UNC13D: variants seen among roughly 807,000 people sequenced by gnomAD.
UNC13D encodes unc-13 homolog D.
Under a neutral mutation model 151.7 loss-of-function variants are expected in UNC13D, and 115 were observed. The observed-to-expected ratio is 0.76, with a 90% CI of 0.65 to 0.88. UNC13D has a LOEUF of 0.88. Among genes scored for constraint, UNC13D ranks in the 40% least tolerant of loss-of-function variants. UNC13D has a pLI of 0.00. For synonymous variants in UNC13D, 588 were observed against 612.2 expected, an observed-to-expected ratio of 0.96 and a Z score of 0.58; for missense variants, 1,369 against 1,438.7, an observed-to-expected ratio of 0.95 and a Z score of 0.78.
rs1307402451 is a variant in UNC13D, at chr17:75,828,012, G to T, written c.3226C>A (p.His1076Asn). 6.3e-7 allele frequency: 1 copy of T among 1,594,136 alleles called. No individual in the cohort carries two copies. The highest frequency in any genetic ancestry group is 1.1e-5 in the South Asian group (1 of 88,364). Reference sequence around the variant, plus strand: ...TGCTGGGAGGCCTGCTTGGCCCGGTGCCGCCGCAGCCTCACAAAGACCTGG... The same window carrying T: ...TGCTGGGAGGCCTGCTTGGCCCGGTTCCGCCGCAGCCTCACAAAGACCTGG... ...EAQVFVRLRR[H>N]RAKQASQHAL... Residue 1076 changes from histidine to asparagine, a missense_variant, in exon 32 of 32, where the codon CAC becomes AAC. Around this residue, in one of 3 missense-constraint regions of UNC13D, gnomAD observed 807 missense variants for 795.5 expected, o/e 1.01. Coordinates refer to ENST00000207549, the MANE Select transcript of UNC13D (RefSeq NM_199242.3).
rs1297987975 is a variant in UNC13D at position 75,833,485 on chromosome 17, C to T, written c.2368-440G>A. Among the ~76,000 whole-genome samples, 1 of 152,218 alleles carries T rather than the reference C, an allele frequency of 6.6e-6. No homozygotes were observed. Among genetic ancestry groups the T allele is most frequent in the African/African-American group, 2.4e-5 (1 of 41,458 alleles). On this transcript the variant is annotated intron_variant, in intron 24 of 31. Transcript: ENST00000207549. The surrounding 1 kb of genome is among the most constrained non-coding windows in gnomAD (Gnocchi z 4.0). ...TGTAGACTTATCATTATCTAGCACACTGCATGTGTGTGCACGCGCATACAC... is the reference window on the plus strand; with the variant it reads ...TGTAGACTTATCATTATCTAGCACATTGCATGTGTGTGCACGCGCATACAC...
chr17:75,830,259 A>G (rs2064861317), intron 29 of UNC13D, 103 bp downstream of exon 29: 3 of 1,555,130 alleles, frequency 1.9e-6, no homozygotes, highest in Non-Finnish European at 2.6e-6. Context: ...ACTGGAGGAA[A>G]TGCACCCAGA....
In UNC13D at chr17:75,827,624, A is replaced by T; in HGVS notation, c.*341T>A. Reference sequence around the variant, plus strand: ...CTGGAACAGGAAGGCCAGGAGGCAGATGGGCCAGGGCCAGGAGACAGATGG... The same window carrying T: ...CTGGAACAGGAAGGCCAGGAGGCAGTTGGGCCAGGGCCAGGAGACAGATGG... On this transcript the variant is annotated 3_prime_UTR_variant, in exon 32 of 32. Transcript: ENST00000207549. 2 of 1,535,390 alleles carry T rather than the reference A, an allele frequency of 1.3e-6. No homozygotes were observed. Among genetic ancestry groups the T allele is most frequent in the Admixed American group, 3.9e-5 (2 of 50,986 alleles).
chr17:75,828,713 C>T, intron 31 of UNC13D, 74 bp downstream of exon 31: 1 of 1,405,404 alleles, frequency 7.1e-7, no homozygotes, highest in Non-Finnish European at 9.3e-7. Context: ...ACCCTGGCAT[C>T]ACCTCTCTGG....
chr17:75,838,382 C>T (rs1431182112), intron 12 of UNC13D, among the ~76,000 whole-genome samples: 4 of 152,046 alleles, frequency 2.6e-5, no homozygotes, highest in Non-Finnish European at 5.9e-5. Flanking sequence ...CCACACCTGA[C>T]TAATTTTTCT....
chr17:75,837,006 C>CCCTCCTCCAGGGCCCATGGTGGAGAA, intron 12 of UNC13D, 88 bp from the exon 13 acceptor site: 1 of 1,211,602 alleles, frequency 8.3e-7, no homozygotes, highest in Non-Finnish European at 1.2e-6. Flanking sequence ...GGAATCGCCT[C>CCCTCCTCCAGGGCCCATGGTGGAGAA]CCATCCACCA....
At chr17:75,842,824 A>G (rs373649203) in intron 5 of UNC13D, 33 bp downstream of exon 5, 3 of 1,612,486 alleles carry the variant, frequency 1.9e-6, no homozygotes, top group East Asian at 2.2e-5. Context: ...GGAGCCAGGA[A>G]GAAGCCCCTT....
chr17:75,830,309 C>T (rs1455941467), intron 29 of UNC13D, 53 bp downstream of exon 29: 2 of 1,580,738 alleles, frequency 1.3e-6, no homozygotes, highest in Non-Finnish European at 1.7e-6. Context: ...GTCGCTGAGA[C>T]AGGAGGGCCA....
Position 75,830,464 on chromosome 17 carries a change from C to A in UNC13D, c.2728G>T (p.Glu910Ter). 6.3e-7 allele frequency: 1 copy of A among 1,590,294 alleles called. No homozygotes were observed. The highest frequency in any genetic ancestry group is 8.6e-7 in the Non-Finnish European group (1 of 1,168,974). ...GCCTTGACTGTCACAGCCCCCAGCT[C>A]CTCAGAGGTGGTTTCTGCCTGGGGT... The part of the protein sequence containing the change: ...IQQQAETTSE[E>*]LGAVTVKASY... The change falls in exon 29 of 32, where the codon GAG becomes TAG. Residue 910 changes from glutamate (E) to a stop codon, truncating the protein, a stop_gained. Transcript: ENST00000207549. LOFTEE classifies it high-confidence loss of function.
At chr17:75,831,553 T>C in intron 25 of UNC13D, 1 of 599,944 alleles carries the variant, frequency 1.7e-6, no homozygotes, top group South Asian at 2.0e-5. Context: ...GTGGGATCAG[T>C]CCTATCCAAC....
chr17:75,835,610 T>TGCCCCTGC (rs1430190234), intron 19 of UNC13D, 37 bp downstream of exon 19: 1 of 1,612,658 alleles, frequency 6.2e-7, no homozygotes, highest in Non-Finnish European at 8.5e-7. Context: ...CCCTCCCCTG[T>TGCCCCTGC]GCCCCTGCAG....
At chr17:75,841,095 A>G (rs2064945552) in intron 6 of UNC13D, 94 bp from the exon 7 acceptor site, 7 of 1,237,298 alleles carry the variant, frequency 5.7e-6, no homozygotes, top group East Asian at 2.5e-5. Flanking sequence ...ATGGAGTTGT[A>G]GCCTATCCCT....
In UNC13D at chr17:75,842,803, T is replaced by C. The variant is rs7214984; in HGVS notation, c.388+54A>G. On this transcript the variant is annotated intron_variant, in intron 5 of 31. Transcript: ENST00000207549. ...CCAAGAGTCCTGGGCCAGGCTGTGA[T>C]GGGAGAGGAAGGAGCCAGGAAGAAG... 2.7e-3 allele frequency: 4,340 copies of C among 1,609,334 alleles called. 111 individuals are homozygous for C. In the African/African-American group the frequency reaches 0.053, roughly 20 times the overall value.
At chr17:75,843,392 C>T (rs9904778) in intron 2 of UNC13D, 92 bp downstream of exon 2, 28,171 of 1,567,714 alleles carry the variant, frequency 0.018, 444 homozygotes, top group Middle Eastern at 0.11. Flanking sequence ...CCCCTCCCCA[C>T]CGCAAGTTGC....
At chr17:75,841,784 C>T (rs1176476279) in intron 6 of UNC13D, among the ~76,000 whole-genome samples, 1 of 142,680 alleles carries the variant, frequency 7.0e-6, no homozygotes, top group African/African-American at 2.7e-5. Flanking sequence ...GAGTGTCGCT[C>T]TGTCACCAGG....
rs1567815374 is a variant in UNC13D at position 75,827,674 on chromosome 17, G to A, written c.*291C>T. On this transcript the variant is annotated 3_prime_UTR_variant, in exon 32 of 32. Coordinates refer to ENST00000207549, the MANE Select transcript of UNC13D (RefSeq NM_199242.3). Reference sequence around the variant, plus strand: ...GCCCAATCCCCTGCCCACCACAGCAGCTTTTCTGAGAGGCGGGCAGGGGCA... The same window carrying A: ...GCCCAATCCCCTGCCCACCACAGCAACTTTTCTGAGAGGCGGGCAGGGGCA... The A allele has an allele frequency of 6.5e-7, 1 of 1,529,232 alleles. No individual in the cohort carries two copies. The highest frequency in any genetic ancestry group is 8.7e-7 in the Non-Finnish European group (1 of 1,143,280). 94.7% of individuals were successfully genotyped at this position (1,529,232 alleles called of 1,614,324 possible).
At position 75,827,311 on chromosome 17, in the gene UNC13D, C is replaced by T. The variant is rs2062130411; in HGVS notation, c.*654G>A. 4.1e-6 allele frequency: 3 copies of T among 733,216 alleles called. No homozygotes were observed. The highest frequency in any genetic ancestry group is 1.8e-5 in the African/African-American group (1 of 55,734). 45.4% of individuals were successfully genotyped at this position (733,216 alleles called of 1,614,324 possible). ...AGGTGCTGTCCGGGGAGGGGGCGTG[C>T]GCAGCAGACACAGCAGCCAAACTGT... On this transcript the variant is annotated 3_prime_UTR_variant, in exon 32 of 32. Coordinates refer to ENST00000207549, the MANE Select transcript of UNC13D (RefSeq NM_199242.3).
At chr17:75,842,750 C>T (rs886726410) in intron 5 of UNC13D, 107 bp downstream of exon 5, 143 of 1,591,876 alleles carry the variant, frequency 9.0e-5, no homozygotes, top group Non-Finnish European at 1.1e-4. Flanking sequence ...GCCAGCGCTA[C>T]AGGGCTTCTT....
At position 75,840,376 on chromosome 17, in the gene UNC13D, G is replaced by A. The variant is rs1229418920; in HGVS notation, c.754-47C>T. ...CCCGTGAGCGTCAGAACCTCATAGAGTCGGGGCAGCGGAGGCGACAGGAGG... is the reference window on the plus strand; with the variant it reads ...CCCGTGAGCGTCAGAACCTCATAGAATCGGGGCAGCGGAGGCGACAGGAGG... On this transcript the variant is annotated intron_variant, in intron 9 of 31. Coordinates refer to ENST00000207549, the MANE Select transcript of UNC13D (RefSeq NM_199242.3). The surrounding 1 kb of genome is among the most constrained non-coding windows in gnomAD (Gnocchi z 4.6). 6.2e-7 allele frequency: 1 copy of A among 1,609,540 alleles called. No individual in the cohort carries two copies. Among genetic ancestry groups the A allele is most frequent in the African/African-American group, 1.3e-5 (1 of 74,802 alleles).
Sources: gnomAD v4.1 joint callset for allele counts (sites outside exome capture counted in the v4.1 genomes callset) on GRCh38, gnomAD v4.1.1 for gene constraint, gnomAD v4.1.1 regional missense constraint, Gnocchi (gnomAD v3.1) non-coding constraint, MANE v1.5 for transcripts, NCBI Gene and HGNC (gene_info 2026-07-23, HGNC 2026-07-21) for gene names.